AREL1: variants seen among roughly 807,000 people sequenced by gnomAD.
AREL1 encodes the protein apoptosis-resistant E3 ubiquitin protein ligase 1.
AREL1 carries 62 observed loss-of-function variants against 99.0 expected under a neutral mutation model. The observed-to-expected ratio is 0.63, with a 90% CI of 0.51 to 0.77. AREL1 has a LOEUF of 0.77. Among genes scored for constraint, AREL1 ranks in the 30% least tolerant of loss-of-function variants. The probability of loss-of-function intolerance (pLI) is 0.00; values close to 1 mark genes in which losing one functional copy is unlikely to be tolerated. For synonymous variants in AREL1, 380 were observed against 376.5 expected (o/e 1.01, Z -0.11); for missense variants, 879 against 1,027.6 (o/e 0.86, Z 1.98).
rs768427911 is a variant in AREL1, at chr14:74,712,939, CG to C, written c.-341del. ...GGCTGGAGAGAAACGTTACCCGAGC[CG>C]GGGGTTGCAGCGCGACGAAGTTCCA... On this transcript the variant is annotated 5_prime_UTR_variant, in exon 1 of 20. Transcript: ENST00000356357. The C allele has an allele frequency of 1.5e-6, 1 of 686,302 alleles. No homozygotes were observed. The highest frequency in any genetic ancestry group is 1.5e-5 in the South Asian group (1 of 66,620). The allele number at this position is 686,302 out of a possible 1,614,324, so 42.5% of individuals were successfully genotyped here. A position where few individuals can be genotyped will look rare whatever the true frequency, so the allele number is the denominator to read the frequency against.
At chr14:74,670,681 T>G in intron 13 of AREL1, 81 bp downstream of exon 13, 5 of 1,194,188 alleles carry the variant, frequency 4.2e-6, no homozygotes, top group Non-Finnish European at 6.1e-6. Context: ...GGTTCCCAGA[T>G]CAGTTTCATA....
chr14:74,711,127 A>G (rs943079527), intron 1 of AREL1, among the ~76,000 whole-genome samples: 1 of 151,788 alleles, frequency 6.6e-6, no homozygotes, highest in African/African-American at 2.4e-5. Flanking sequence ...GCTACTCAGG[A>G]GGCTGAGGCA....
intron 1 of AREL1, chr14:74,712,038 C>CAAAAAA (rs752599769): frequency 1.0e-3 from 30 of 28,700 alleles, no homozygotes; most frequent in South Asian, 3.9e-3. Context: ...AGACAAAGTG[C>CAAAAAA]AAAAAAAAAA....
At chr14:74,697,309 G>A (rs557198862) in intron 1 of AREL1, among the ~76,000 whole-genome samples, 1 of 152,306 alleles carries the variant, frequency 6.6e-6, no homozygotes, top group South Asian at 2.1e-4. Flanking sequence ...CGTTTGTTTT[G>A]TAAGATGCAA....
intron 9 of AREL1, 54 bp from the exon 10 acceptor site, chr14:74,673,272 G>T: frequency 6.3e-7 from 1 of 1,585,482 alleles, no homozygotes; most frequent in African/African-American, 1.3e-5. Context: ...GCCAGTAAAA[G>T]TCCTCCACAG....
At chr14:74,695,976 G>C (rs2089973136) in intron 1 of AREL1, among the ~76,000 whole-genome samples, 1 of 152,238 alleles carries the variant, frequency 6.6e-6, no homozygotes, top group South Asian at 2.1e-4. Context: ...CATGCTTTCA[G>C]AAGTGAGAAT....
chr14:74,678,322 C>A (rs923940985), intron 5 of AREL1: 1 of 400,680 alleles, frequency 2.5e-6, no homozygotes, highest in South Asian at 1.8e-5. Flanking sequence ...CATAGTGAGA[C>A]CCTATTCCTA....
At chr14:74,667,281 C>A in intron 17 of AREL1, 38 bp downstream of exon 17, 2 of 1,613,124 alleles carry the variant, frequency 1.2e-6, no homozygotes, top group African/African-American at 1.3e-5. Flanking sequence ...TACAAAAATG[C>A]CAAGTTAAGA....
chr14:74,690,312 T>C (rs2089850094), intron 2 of AREL1, among the ~76,000 whole-genome samples: 1 of 143,136 alleles, frequency 7.0e-6, no homozygotes, highest in Non-Finnish European at 1.5e-5. Context: ...CATAATTGCA[T>C]ATAGTAACTT....
Position 74,712,971 on chromosome 14 carries a change from GC to G in AREL1, c.-373del. Reference sequence around the variant, plus strand: ...TGCAGCGCGACGAAGTTCCACCTCCGCTGTCCTGGGAAGGGGCGGCAGCACT... The same window carrying G: ...TGCAGCGCGACGAAGTTCCACCTCCGTGTCCTGGGAAGGGGCGGCAGCACT... On this transcript the variant is annotated 5_prime_UTR_variant, in exon 1 of 20. Coordinates refer to ENST00000356357, the MANE Select transcript of AREL1 (RefSeq NM_001039479.2). The G allele has an allele frequency of 1.4e-6, 1 of 734,534 alleles. No individual in the cohort carries two copies. The highest frequency in any genetic ancestry group is 2.4e-6 in the Non-Finnish European group (1 of 412,360). 45.5% of individuals were successfully genotyped at this position (734,534 alleles called of 1,614,324 possible). A position where few individuals can be genotyped will look rare whatever the true frequency, so the allele number is the denominator to read the frequency against.
intron 12 of AREL1, 37 bp from the exon 13 acceptor site, chr14:74,670,908 C>A: frequency 6.5e-7 from 1 of 1,548,930 alleles, no homozygotes; most frequent in Non-Finnish European, 8.9e-7. Context: ...TGACTCTGCC[C>A]TCCCTCCTCT....
At chr14:74,668,226 C>T (rs1350145613) in intron 15 of AREL1, among the ~76,000 whole-genome samples, 2 of 152,198 alleles carry the variant, frequency 1.3e-5, no homozygotes, top group African/African-American at 4.8e-5. Context: ...GACTCTCAAA[C>T]AGAATTGGTA....
At chr14:74,704,813 T>A (rs1422704038) in intron 1 of AREL1, among the ~76,000 whole-genome samples, 1 of 152,220 alleles carries the variant, frequency 6.6e-6, no homozygotes, top group Non-Finnish European at 1.5e-5. Flanking sequence ...TGTGTTCTAT[T>A]TTTTAAAACT....
At position 74,667,881 on chromosome 14, in the gene AREL1, G is replaced by A. The variant is rs1595337806; in HGVS notation, c.1915-287C>T. 2.6e-5 allele frequency among the ~76,000 whole-genome samples: 4 copies of A among 152,196 alleles called. No individual in the cohort carries two copies. The South Asian group carries it at 8.3e-4, about 31-fold the overall frequency. ...TAGTGATGCAATAGGAAGATACTAT[G>A]GCTCCTCGCTAGCAATGTTTTAATC... is the stretch of plus-strand genomic sequence containing the variant. On this transcript the variant is annotated intron_variant, in intron 15 of 19. Coordinates refer to ENST00000356357, the MANE Select transcript of AREL1 (RefSeq NM_001039479.2).
At position 74,663,567 on chromosome 14, in the gene AREL1, G is replaced by A; in HGVS notation, c.*153C>T. 1 of 794,276 alleles carries A rather than the reference G, an allele frequency of 1.3e-6. No individual in the cohort carries two copies. Among genetic ancestry groups the A allele is most frequent in the Non-Finnish European group, 2.1e-6 (1 of 469,170 alleles). The allele number at this position is 794,276 out of a possible 1,614,324, so 49.2% of individuals were successfully genotyped here. Reference sequence around the variant, plus strand: ...CAGGGAGCAGGTGAGGTAAAGACAAGGCTTGTAGGTGACAAAATCCTCCAG... The same window carrying A: ...CAGGGAGCAGGTGAGGTAAAGACAAAGCTTGTAGGTGACAAAATCCTCCAG... On this transcript the variant is annotated 3_prime_UTR_variant, in exon 20 of 20. Transcript: ENST00000356357.
chr14:74,683,018 G>A (rs914340446), intron 5 of AREL1, among the ~76,000 whole-genome samples: 5 of 152,206 alleles, frequency 3.3e-5, no homozygotes, highest in Non-Finnish European at 4.4e-5. Context: ...CAAATCCACA[G>A]AGGCAGCAGA....
rs1159460406 is a variant in AREL1, at chr14:74,674,126, G to A, written c.1081-15C>T. 3 of 1,600,800 alleles carry A rather than the reference G, an allele frequency of 1.9e-6. No individual in the cohort carries two copies. Among genetic ancestry groups the A allele is most frequent in the Non-Finnish European group, 2.6e-6 (3 of 1,168,480 alleles). On this transcript the variant is annotated splice_polypyrimidine_tract_variant and intron_variant, in intron 8 of 19. Transcript: ENST00000356357. ...ACTGAGAATTGCTGGAGGACCAACA[G>A]ACAGGAAATGAAGTGAATGATAAAT...
chr14:74,682,196 A>G (rs1211709848), intron 5 of AREL1, among the ~76,000 whole-genome samples: 1 of 152,158 alleles, frequency 6.6e-6, no homozygotes, highest in African/African-American at 2.4e-5. Flanking sequence ...CTTTGTCCAG[A>G]GCCTTACTCT....
chr14:74,700,171 T>C (rs1594778662), intron 1 of AREL1, among the ~76,000 whole-genome samples: 1 of 152,264 alleles, frequency 6.6e-6, no homozygotes, highest in African/African-American at 2.4e-5. Flanking sequence ...TCAACCTTTA[T>C]TGAGAACTTA....
Sources: allele counts gnomAD v4.1 joint callset (sites outside exome capture counted in the v4.1 genomes callset), GRCh38; gene constraint gnomAD v4.1.1; transcripts MANE v1.5; gene names NCBI Gene and HGNC (gene_info 2026-07-23, HGNC 2026-07-21).